Variants in CDK12 observed in about 807,000 individuals in gnomAD.
CDK12 encodes cyclin-dependent kinase 12.
A neutral mutation model predicts 133.8 loss-of-function variants in CDK12; 17 were observed. That is an observed-to-expected ratio of 0.13 (90% confidence interval 0.09 to 0.19). The LOEUF is 0.19. CDK12 is among the 10% of genes least tolerant of loss of function. The pLI is 1.00. For synonymous variants in CDK12, 694 were observed against 683.6 expected, an observed-to-expected ratio of 1.02 and a Z score of -0.24; for missense variants, 1,508 against 1,818.7, an observed-to-expected ratio of 0.83 and a Z score of 3.11.
Position 39,461,541 on chromosome 17 carries a change from G to T in CDK12, c.-531G>T. The T allele has an allele frequency of 8.1e-6, 2 of 247,638 alleles. No individual in the cohort carries two copies. Among genetic ancestry groups the T allele is most frequent in the South Asian group, 2.4e-4 (2 of 8,402 alleles). The allele number at this position is 247,638 out of a possible 1,614,324, so 15.3% of individuals were successfully genotyped here. ...ACTGGGTCTGTGTGAGGGAGAGAGT[G>T]TGTGTGGTGTGGAGGTGAAACGGAG... On this transcript the variant is annotated 5_prime_UTR_variant, in exon 1 of 14. Coordinates refer to ENST00000447079, the MANE Select transcript of CDK12 (RefSeq NM_016507.4).
chr17:39,539,324 A>G (rs1332627059), downstream of CDK12, among the ~76,000 whole-genome samples: 4 of 152,214 alleles, frequency 2.6e-5, no homozygotes, highest in African/African-American at 4.8e-5. Context: ...TTTATCTACC[A>G]TGAATGAAGG....
rs2144848153 is a variant in CDK12 at position 39,462,144 on chromosome 17, T to G, written c.73T>G (p.Ser25Ala). The change falls in exon 1 of 14, where the codon TCG becomes GCG. Residue 25 changes from serine (S) to alanine (A), a missense_variant. This residue lies in a region of CDK12 where 460 missense variants were observed against 490.8 expected (regional missense o/e 0.94). Transcript: ENST00000447079. ...GGASGTLQPS[S>A]GGGSSNSRER... ...AGCTTCTGGAACTTTGCAGCCGTCA[T>G]CGGGAGGCGGCAGCTCTAACAGCAG... 1 of 1,614,182 alleles carries G rather than the reference T, an allele frequency of 6.2e-7. No homozygotes were observed. Among genetic ancestry groups the G allele is most frequent in the East Asian group, 2.2e-5 (1 of 44,886 alleles).
chr17:39,471,293 C>T lies in CDK12; in HGVS notation c.1461C>T (p.Ser487=), dbSNP rs1334093327. 8 of 1,613,380 alleles carry T rather than the reference C, an allele frequency of 5.0e-6. No homozygotes were observed. Among genetic ancestry groups the T allele is most frequent in the Non-Finnish European group, 5.9e-6 (7 of 1,179,712 alleles). The change falls in exon 2 of 14, where the codon TCC becomes TCT. Residue 487 remains serine (S), a synonymous_variant. Transcript: ENST00000447079. The part of the protein sequence containing the change: ...DTGKVKLDEN[S]EKHLVKDLKA... ...GGAAAGTAAAGTTGGATGAGAACTC[C>T]GAGAAGCATCTTGTTAAAGATTTGA... is the stretch of plus-strand genomic sequence containing the variant.
At position 39,461,554 on chromosome 17, in the gene CDK12, A is replaced by C; in HGVS notation, c.-518A>C. On this transcript the variant is annotated 5_prime_UTR_variant, in exon 1 of 14. Transcript: ENST00000447079. ...GAGGGAGAGAGTGTGTGTGGTGTGG[A>C]GGTGAAACGGAGGCAAGAAAGGGGG... 4.0e-6 allele frequency: 1 copy of C among 251,350 alleles called. No homozygotes were observed. Among genetic ancestry groups the C allele is most frequent in the Admixed American group, 4.8e-5 (1 of 20,716 alleles). 15.6% of individuals were successfully genotyped at this position (251,350 alleles called of 1,614,324 possible).
At position 39,462,092 on chromosome 17, in the gene CDK12, T is replaced by C; in HGVS notation, c.21T>C (p.His7=). 6.2e-7 allele frequency: 1 copy of C among 1,613,748 alleles called. No individual in the cohort carries two copies. Among genetic ancestry groups the C allele is most frequent in the Non-Finnish European group, 8.5e-7 (1 of 1,179,794 alleles). ...AGGGAATGCCCAATTCAGAGAGACATGGGGGCAAGAAGGACGGGAGTGGAG... is the reference window on the plus strand; with the variant it reads ...AGGGAATGCCCAATTCAGAGAGACACGGGGGCAAGAAGGACGGGAGTGGAG... The part of the protein sequence containing the change: MPNSER[H]GGKKDGSGGA... Residue 7 remains histidine, a synonymous_variant, in exon 1 of 14, where the codon CAT becomes CAC. Transcript: ENST00000447079.
chr17:39,470,628 G>T (rs1439324324), intron 1 of CDK12, among the ~76,000 whole-genome samples: 2 of 152,024 alleles, frequency 1.3e-5, no homozygotes, highest in Non-Finnish European at 1.5e-5. Context: ...ACTTTATTTA[G>T]ATTTACTTAG....
chr17:39,468,982 C>G (rs1208123590), intron 1 of CDK12, among the ~76,000 whole-genome samples: 2 of 152,112 alleles, frequency 1.3e-5, no homozygotes, highest in Non-Finnish European at 2.9e-5. Flanking sequence ...GCATGTACCA[C>G]CACACCCAGC....
chr17:39,508,394 G>T (rs1487933205), intron 6 of CDK12, among the ~76,000 whole-genome samples: 5 of 152,118 alleles, frequency 3.3e-5, no homozygotes, highest in Admixed American at 3.3e-4. Flanking sequence ...CATGAATTTA[G>T]ATAAATATCA....
chr17:39,478,001 G>A (rs897907800), intron 2 of CDK12, among the ~76,000 whole-genome samples: 7 of 150,682 alleles, frequency 4.6e-5, no homozygotes, highest in African/African-American at 1.7e-4. Context: ...CCACTGCACC[G>A]GGCCCATCTA....
At chr17:39,486,200 G>A (rs1008836934) in intron 2 of CDK12, among the ~76,000 whole-genome samples, 7 of 148,588 alleles carry the variant, frequency 4.7e-5, no homozygotes, top group East Asian at 2.0e-4. Flanking sequence ...TGATCCGCCC[G>A]CTTGGCCTCC....
At chr17:39,547,199 G>A (rs962701825), upstream of CDK12, among the ~76,000 whole-genome samples, 13 of 138,172 alleles carry the variant, frequency 9.4e-5, no homozygotes, top group Admixed American at 4.1e-4. Context: ...GCAATGGCAC[G>A]ATCTTGGCTC....
At chr17:39,525,281 C>T (rs560128303) in intron 12 of CDK12, among the ~76,000 whole-genome samples, 11 of 152,230 alleles carry the variant, frequency 7.2e-5, no homozygotes, top group African/African-American at 2.4e-4. Flanking sequence ...ATTACAATTG[C>T]TAAATGTTGT....
intron 12 of CDK12, among the ~76,000 whole-genome samples, 158 bp downstream of exon 12, chr17:39,525,043 T>C (rs2054411114): frequency 6.6e-6 from 1 of 152,238 alleles, no homozygotes; most frequent in Admixed American, 6.5e-5. Flanking sequence ...GAGAAGGAGA[T>C]TAACCAAGTT....
intron 2 of CDK12, among the ~76,000 whole-genome samples, chr17:39,475,934 T>G (rs2050158842): frequency 6.6e-6 from 1 of 152,036 alleles, no homozygotes; most frequent in South Asian, 2.1e-4. Flanking sequence ...AAGCCATATT[T>G]TTATAGTTTT....
At position 39,476,711 on chromosome 17, in the gene CDK12, C is replaced by CTTTTTTTTTTTTTTTTTTTTTT. The variant is rs879840168; in HGVS notation, c.1931+4956_1931+4977dup. On this transcript the variant is annotated intron_variant, in intron 2 of 13. Transcript: ENST00000447079. The stretch of plus-strand genomic sequence containing the variant: ...TACAGGCATGAGCCACCATGCCTGC[C>CTTTTTTTTTTTTTTTTTTTTTT]TTTTTTTTTTTTTTTTTTTTTTTTT... Among the ~76,000 whole-genome samples, 44 of 84,522 alleles carry CTTTTTTTTTTTTTTTTTTTTTT rather than the reference C, an allele frequency of 5.2e-4. 6 individuals carry two copies. Among genetic ancestry groups the CTTTTTTTTTTTTTTTTTTTTTT allele is most frequent in the East Asian group, 1.5e-3 (4 of 2,658 alleles). 55.4% of individuals were successfully genotyped at this position (84,522 alleles called of 152,430 possible).
downstream of CDK12, among the ~76,000 whole-genome samples, chr17:39,536,586 C>G (rs771073232): frequency 3.0e-4 from 45 of 152,280 alleles, no homozygotes; most frequent in Non-Finnish European, 5.3e-4. Flanking sequence ...TTGCTGATGA[C>G]ATTTCTAAGC....
At chr17:39,520,221 G>T in intron 11 of CDK12, 134 bp downstream of exon 11, 2 of 819,678 alleles carry the variant, frequency 2.4e-6, no homozygotes, top group South Asian at 2.2e-5. Flanking sequence ...GTTGAGGTTT[G>T]TTTTTTTTGT....
intron 1 of CDK12, among the ~76,000 whole-genome samples, chr17:39,464,485 C>T (rs1479791537): frequency 2.6e-5 from 4 of 151,466 alleles, no homozygotes; most frequent in African/African-American, 9.7e-5. Flanking sequence ...ATCCTCCTGC[C>T]TCCCAAAGTG....
At chr17:39,467,892 T>G (rs987444753) in intron 1 of CDK12, among the ~76,000 whole-genome samples, 55 of 152,172 alleles carry the variant, frequency 3.6e-4, no homozygotes, top group African/African-American at 1.2e-3. Flanking sequence ...AACAATATTT[T>G]TAGTTTTGTT....
Sources: allele counts gnomAD v4.1 joint callset (sites outside exome capture counted in the v4.1 genomes callset), GRCh38; gene constraint gnomAD v4.1.1; regional missense constraint gnomAD v4.1.1; transcripts MANE v1.5; gene names NCBI Gene and HGNC (gene_info 2026-07-23, HGNC 2026-07-21).